The following MYT1L variants were observed in gnomAD, a reference collection of about 807,000 sequenced individuals.
The protein encoded by MYT1L is myelin transcription factor 1-like protein.
Under a neutral mutation model 126.7 loss-of-function variants are expected in MYT1L, and 12 were observed. That is an observed-to-expected ratio of 0.09 (90% CI 0.06 to 0.15). The LOEUF (loss-of-function observed/expected upper bound fraction) is 0.15, where lower values mean the gene tolerates loss of function less well. Ranked by LOEUF, MYT1L falls within the 10% of genes least tolerant of loss-of-function variation. The pLI, the probability that MYT1L is intolerant of heterozygous loss-of-function variation, is 1.00. For missense variants in MYT1L, 979 were observed against 1,585.2 expected (o/e 0.62, Z 6.49); for synonymous variants, 541 against 604.2 (o/e 0.90, Z 1.53).
intron 2 of MYT1L, among the ~76,000 whole-genome samples, chr2:2,214,445 C>T (rs73913259): frequency 1.6e-4 from 24 of 151,502 alleles, no homozygotes; most frequent in Admixed American, 5.9e-4. Context: ...TCGAAACCAG[C>T]GACAAACAGG....
chr2:2,062,924 C>T (rs572312167), intron 3 of MYT1L, among the ~76,000 whole-genome samples: 3 of 152,152 alleles, frequency 2.0e-5, no homozygotes, highest in East Asian at 1.9e-4. Context: ...CAAGGGCCAT[C>T]GTCTTCCCTG....
intron 13 of MYT1L, among the ~76,000 whole-genome samples, chr2:1,909,546 T>G (rs556403693): frequency 6.4e-4 from 98 of 152,310 alleles, no homozygotes; most frequent in African/African-American, 2.2e-3. Context: ...CACGTAAGAA[T>G]GAAAGCTGTA....
At chr2:2,165,699 C>T (rs1468302452) in intron 3 of MYT1L, among the ~76,000 whole-genome samples, 2 of 152,000 alleles carry the variant, frequency 1.3e-5, no homozygotes, top group Non-Finnish European at 2.9e-5. Flanking sequence ...CTCACGTTGT[C>T]ATCTCATAGC....
In MYT1L at chr2:2,198,824, C is replaced by T. The variant is rs547711911; in HGVS notation, c.-420-25836G>A. 2.4e-4 allele frequency among the ~76,000 whole-genome samples: 36 copies of T among 151,952 alleles called. No individual in the cohort carries two copies. The South Asian group carries it at 4.2e-3, about 18-fold the overall frequency. On this transcript the variant is annotated intron_variant, in intron 2 of 24. Transcript: ENST00000647738. ...AGTGAGCACTGCACTCCAGCCTGGG[C>T]GACAGAGCGAGACTCTGTCTCAAAA... is the stretch of plus-strand genomic sequence containing the variant.
chr2:2,106,969 A>G (rs577972797), intron 3 of MYT1L, among the ~76,000 whole-genome samples: 4 of 152,248 alleles, frequency 2.6e-5, no homozygotes, highest in African/African-American at 9.6e-5. Flanking sequence ...GCCGAGCTGG[A>G]TCCTTTGTGG....
At chr2:2,219,718 C>T (rs370000258) in intron 2 of MYT1L, among the ~76,000 whole-genome samples, 2 of 152,156 alleles carry the variant, frequency 1.3e-5, no homozygotes, top group African/African-American at 2.4e-5. Context: ...CCAGTCAGGA[C>T]AAATACGGAA....
chr2:1,850,660 A>C (rs1270799252), intron 19 of MYT1L, among the ~76,000 whole-genome samples: 1 of 152,106 alleles, frequency 6.6e-6, no homozygotes, highest in Non-Finnish European at 1.5e-5. Flanking sequence ...ATCCAGTTTG[A>C]GCAAGAATCC....
intron 2 of MYT1L, among the ~76,000 whole-genome samples, chr2:2,209,953 T>C (rs975618205): frequency 7.2e-5 from 11 of 152,242 alleles, no homozygotes; most frequent in Admixed American, 6.5e-4. Context: ...CCAGCATTTG[T>C]TATTGCCTTC....
chr2:2,327,159 T>G (rs955217776), intron 1 of MYT1L: 2 of 152,216 alleles, frequency 1.3e-5, no homozygotes, highest in East Asian at 1.9e-4. Flanking sequence ...GGCAATATTT[T>G]AAATATTGGG....
intron 3 of MYT1L, among the ~76,000 whole-genome samples, chr2:2,096,215 AC>A (rs1193614600): frequency 6.6e-6 from 1 of 152,226 alleles, no homozygotes; most frequent in Non-Finnish European, 1.5e-5. Context: ...TCACTGAGTC[AC>A]CCAAGGCAGG....
intron 3 of MYT1L, among the ~76,000 whole-genome samples, chr2:2,095,787 CCT>C (rs1399570891): frequency 6.6e-6 from 1 of 152,160 alleles, no homozygotes; most frequent in African/African-American, 2.4e-5. Flanking sequence ...CCGGGCACCC[CCT>C]GACCGCTCAC....
intron 3 of MYT1L, among the ~76,000 whole-genome samples, chr2:2,106,725 G>A (rs1001718601): frequency 4.6e-5 from 7 of 152,216 alleles, no homozygotes; most frequent in African/African-American, 1.4e-4. Context: ...AAGCATTCAG[G>A]ACATGTCCTC....
At chr2:1,914,947 C>T (rs764097218) in intron 11 of MYT1L, among the ~76,000 whole-genome samples, 7 of 152,214 alleles carry the variant, frequency 4.6e-5, no homozygotes, top group African/African-American at 9.6e-5. Context: ...CATCACCTCA[C>T]GGCGGCCTTG....
At chr2:2,128,950 T>G (rs1047246488) in intron 3 of MYT1L, among the ~76,000 whole-genome samples, 1 of 152,198 alleles carries the variant, frequency 6.6e-6, no homozygotes, top group Non-Finnish European at 1.5e-5. Context: ...AATGATTTCA[T>G]GCCAAGGAAA....
chr2:2,047,625 C>T (rs763473650), intron 4 of MYT1L, among the ~76,000 whole-genome samples: 8 of 152,190 alleles, frequency 5.3e-5, no homozygotes, highest in Middle Eastern at 3.4e-3. Context: ...AGCTCAACAC[C>T]GATTTTTCAT....
intron 19 of MYT1L, 126 bp downstream of exon 19, chr2:1,851,515 G>T: frequency 1.2e-6 from 1 of 855,544 alleles, no homozygotes; most frequent in Non-Finnish European, 1.9e-6. Context: ...GGCGCTAAGA[G>T]TCTCTAGATC....
At chr2:1,893,346 G>A (rs780665817) in intron 14 of MYT1L, among the ~76,000 whole-genome samples, 1 of 152,210 alleles carries the variant, frequency 6.6e-6, no homozygotes, top group African/African-American at 2.4e-5. Context: ...TTACTCAGAG[G>A]TGGACCTGGT....
intron 19 of MYT1L, among the ~76,000 whole-genome samples, chr2:1,846,842 A>G (rs1043663337): frequency 6.6e-6 from 1 of 152,150 alleles, no homozygotes. Context: ...CCACCTTACA[A>G]GGTTCCCAAG....
intron 2 of MYT1L, among the ~76,000 whole-genome samples, chr2:2,230,542 C>T (rs2094136126): frequency 6.6e-6 from 1 of 152,206 alleles, no homozygotes; most frequent in African/African-American, 2.4e-5. Flanking sequence ...CTGGCCAACT[C>T]CCTGAGCTCT....
Sources: gnomAD v4.1 joint callset for allele counts (sites outside exome capture counted in the v4.1 genomes callset) on GRCh38, gnomAD v4.1.1 for gene constraint, MANE v1.5 for transcripts, NCBI Gene and HGNC (gene_info 2026-07-23, HGNC 2026-07-21) for gene names.